The following DMD variants were observed in gnomAD, a reference collection of about 807,000 sequenced individuals.
DMD encodes the protein mutant dystrophin.
A neutral mutation model predicts 330.1 loss-of-function variants in DMD; 63 were observed. That is an observed-to-expected ratio of 0.19 (90% CI 0.16 to 0.24). The LOEUF (loss-of-function observed/expected upper bound fraction) is 0.24, where lower values mean the gene tolerates loss of function less well. Among genes scored for constraint, DMD ranks in the 10% least tolerant of loss-of-function variants. The pLI is 1.00. For missense variants in DMD, 3,344 were observed against 2,684.1 expected (o/e 1.25, Z -5.43); for synonymous variants, 1,223 against 959.8 (o/e 1.27, Z -5.07).
chrX:31,198,453 T>C (rs2043127905), intron 67 of DMD, among the ~76,000 whole-genome samples: 1 of 111,981 alleles, frequency 8.9e-6, no homozygotes, highest in Non-Finnish European at 1.9e-5. Context: ...AGAGAAATGA[T>C]GAATGTTTGA....
In DMD at chrX:31,778,565, ATTTTTT is replaced by A. The variant is rs36164865; in HGVS notation, c.7310-4379_7310-4374del. Among the ~76,000 whole-genome samples the A allele has an allele frequency of 1.4e-3, 90 of 63,044 alleles. 2 individuals carry two copies. Among genetic ancestry groups the A allele is most frequent in the African/African-American group, 5.9e-3 (89 of 14,963 alleles). 54.7% of individuals were successfully genotyped at this position (63,044 alleles called of 115,157 possible). A position where few individuals can be genotyped will look rare whatever the true frequency, so the allele number is the denominator to read the frequency against. ...AGGACAGAAGTTTTGAAGTCCTGAAATTTTTTTTTTTTTTTTTTTTTTTTGAGACAG... is the reference window on the plus strand; with the variant it reads ...AGGACAGAAGTTTTGAAGTCCTGAAATTTTTTTTTTTTTTTTTTGAGACAG... On this transcript the variant is annotated intron_variant, in intron 50 of 78. Coordinates refer to ENST00000357033, the MANE Select transcript of DMD (RefSeq NM_004006.3).
chrX:31,963,104 C>G (rs1467742310), intron 45 of DMD, among the ~76,000 whole-genome samples: 1 of 111,657 alleles, frequency 9.0e-6, no homozygotes, highest in Non-Finnish European at 1.9e-5. Context: ...TACAAGGAAG[C>G]GCATAGAGCA....
At chrX:32,590,415 T>C (rs1325226757) in intron 13 of DMD, among the ~76,000 whole-genome samples, 1 of 111,429 alleles carries the variant, frequency 9.0e-6, no homozygotes, top group African/African-American at 3.3e-5. Flanking sequence ...AGATCACTGA[T>C]GAAGTATTGT....
intron 62 of DMD, among the ~76,000 whole-genome samples, chrX:31,300,933 G>A (rs58215955): frequency 0.26 from 28,655 of 111,384 alleles, 4,056 homozygotes; most frequent in African/African-American, 0.55. Flanking sequence ...CTTTTCATCA[G>A]TCCATCAGAG....
chrX:31,542,199 G>T (rs1394213105), intron 55 of DMD, among the ~76,000 whole-genome samples: 2 of 111,984 alleles, frequency 1.8e-5, no homozygotes, highest in Non-Finnish European at 3.8e-5. Flanking sequence ...GGACATAGAT[G>T]AGTAGCAATT....
intron 9 of DMD, among the ~76,000 whole-genome samples, chrX:32,684,430 T>A (rs1237085598): frequency 9.0e-6 from 1 of 111,494 alleles, no homozygotes; most frequent in Non-Finnish European, 1.9e-5. Context: ...TGATCACTAT[T>A]CAAGTGTTTA....
At chrX:33,115,687 A>G (rs1356074602) in intron 1 of DMD, among the ~76,000 whole-genome samples, 1 of 107,146 alleles carries the variant, frequency 9.3e-6, no homozygotes, top group Non-Finnish European at 1.9e-5. Flanking sequence ...AATTTTTTGT[A>G]TTTTTAGTAG....
intron 9 of DMD, among the ~76,000 whole-genome samples, chrX:32,684,571 G>T (rs1214563376): frequency 1.8e-5 from 2 of 111,456 alleles, no homozygotes; most frequent in African/African-American, 6.5e-5. Context: ...AATTTATTCT[G>T]TCATAAGCCC....
chrX:33,264,464 C>T (rs772499276), intron 1 of DMD, among the ~76,000 whole-genome samples: 10 of 110,212 alleles, frequency 9.1e-5, no homozygotes, highest in Admixed American at 1.9e-4. Flanking sequence ...CAGTTTTTAC[C>T]GCCTAAAGTC....
intron 38 of DMD, among the ~76,000 whole-genome samples, chrX:32,348,176 G>T (rs1410520191): frequency 9.0e-6 from 1 of 111,006 alleles, no homozygotes; most frequent in Non-Finnish European, 1.9e-5. Context: ...CAGGTCAAAA[G>T]AAAATTGCTG....
chrX:32,679,659 G>A (rs1443260974), intron 9 of DMD, among the ~76,000 whole-genome samples: 1 of 110,401 alleles, frequency 9.1e-6, no homozygotes, highest in Non-Finnish European at 1.9e-5. Flanking sequence ...AAAAGGAACT[G>A]CCTTTTATGA....
chrX:33,158,575 T>G (rs774039060), intron 1 of DMD, among the ~76,000 whole-genome samples: 1 of 111,981 alleles, frequency 8.9e-6, no homozygotes, highest in Admixed American at 9.5e-5. Context: ...CCTGACACTC[T>G]GTTCCATTTC....
intron 7 of DMD, among the ~76,000 whole-genome samples, chrX:32,717,958 T>C (rs2065900819): frequency 9.0e-6 from 1 of 111,722 alleles, no homozygotes; most frequent in Admixed American, 9.5e-5. Flanking sequence ...TTTGAGCTAA[T>C]GCCTGTACCC....
rs751730837 is a variant in DMD, at chrX:31,716,551, CAACAAAACAA to C, written c.7660+13070_7660+13079del. On this transcript the variant is annotated intron_variant, in intron 52 of 78. Coordinates refer to ENST00000357033, the MANE Select transcript of DMD (RefSeq NM_004006.3). ...GGGCAACAAGAGCAAAACTCCATCTCAACAAAACAAAACAAAACAAAACAAAACAAACAAA... is the reference window on the plus strand; with the variant it reads ...GGGCAACAAGAGCAAAACTCCATCTCAACAAAACAAAACAAAACAAACAAA... 6.1e-3 allele frequency among the ~76,000 whole-genome samples: 654 copies of C among 107,557 alleles called. 3 individuals carry two copies. Among genetic ancestry groups the C allele is most frequent in the Non-Finnish European group, 9.9e-3 (520 of 52,440 alleles). 93.4% of individuals were successfully genotyped at this position (107,557 alleles called of 115,157 possible). A position where few individuals can be genotyped will look rare whatever the true frequency, so the allele number is the denominator to read the frequency against.
intron 60 of DMD, among the ~76,000 whole-genome samples, chrX:31,362,710 C>T (rs2059005404): frequency 1.8e-5 from 2 of 112,830 alleles, no homozygotes; most frequent in Non-Finnish European, 3.7e-5. Flanking sequence ...TTCGGGAGGC[C>T]GAGGCTGGTG....
chrX:32,836,953 C>A, intron 4 of DMD, among the ~76,000 whole-genome samples: 1 of 111,598 alleles, frequency 9.0e-6, no homozygotes, highest in East Asian at 2.8e-4. Context: ...CGAAGTGACT[C>A]TCAGCGTGTC....
intron 55 of DMD, among the ~76,000 whole-genome samples, chrX:31,574,151 T>G (rs1272573647): frequency 2.0e-5 from 2 of 100,461 alleles, no homozygotes; most frequent in African/African-American, 7.3e-5. Context: ...TTTTTGTTTT[T>G]TTTTTTTTTT....
intron 7 of DMD, among the ~76,000 whole-genome samples, chrX:32,789,686 C>T (rs776602084): frequency 9.0e-6 from 1 of 111,638 alleles, no homozygotes; most frequent in East Asian, 2.8e-4. Flanking sequence ...TCAGTTTTTC[C>T]ATTTATAAAA....
At chrX:31,340,365 A>T (rs897907133) in intron 61 of DMD, among the ~76,000 whole-genome samples, 13 of 112,623 alleles carry the variant, frequency 1.2e-4, no homozygotes, top group Non-Finnish European at 2.3e-4. Context: ...CACTGGTTAA[A>T]AGCTGGAGTA....
Sources: allele counts gnomAD v4.1 joint callset (sites outside exome capture counted in the v4.1 genomes callset), GRCh38; gene constraint gnomAD v4.1.1; transcripts MANE v1.5; gene names NCBI Gene and HGNC (gene_info 2026-07-23, HGNC 2026-07-21).